HKDC1: variants seen among roughly 807,000 people sequenced by gnomAD.
HKDC1 encodes the protein hexokinase HKDC1.
A neutral mutation model predicts 96.6 loss-of-function variants in HKDC1; 66 were observed. That is an observed-to-expected ratio of 0.68 (90% CI 0.56 to 0.84). The LOEUF is 0.84. Among genes scored for constraint, HKDC1 ranks in the 40% least tolerant of loss-of-function variants. The probability of loss-of-function intolerance (pLI) is 0.00; values close to 1 mark genes in which losing one functional copy is unlikely to be tolerated. For synonymous variants in HKDC1, 466 were observed against 473.1 expected, an observed-to-expected ratio of 0.98 and a Z score of 0.20; for missense variants, 1,211 against 1,208.1, an observed-to-expected ratio of 1.00 and a Z score of -0.04.
Position 69,248,554 on chromosome 10 carries a change from C to A in HKDC1, c.1396C>A (p.Gln466Lys). The change falls in exon 10 of 18, where the codon CAG becomes AAG. Residue 466 changes from glutamine to lysine, a missense_variant. Coordinates refer to ENST00000354624, the MANE Select transcript of HKDC1 (RefSeq NM_025130.4). ...VTAVASRVQA[Q>K]RKQIDRVLAL... is the part of the protein sequence containing the mutation. The stretch of plus-strand genomic sequence containing the variant: ...CGCGGTGGCCTCCCGCGTGCAGGCC[C>A]AGCGGAAGCAGATCGACAGGGTGCT... 1 of 1,614,076 alleles carries A rather than the reference C, an allele frequency of 6.2e-7. No homozygotes were observed. Among genetic ancestry groups the A allele is most frequent in the Non-Finnish European group, 8.5e-7 (1 of 1,180,030 alleles).
chr10:69,230,141 G>A (rs1305909037), intron 2 of HKDC1, among the ~76,000 whole-genome samples: 1 of 152,164 alleles, frequency 6.6e-6, no homozygotes, highest in Non-Finnish European at 1.5e-5. Flanking sequence ...TTGGTCAGGG[G>A]GCTGCAGTGG....
intron 16 of HKDC1, 39 bp downstream of exon 16, chr10:69,261,333 C>T (rs751323296): frequency 1.9e-6 from 3 of 1,593,708 alleles, no homozygotes; most frequent in Admixed American, 3.3e-5. Context: ...CTCTGACTGG[C>T]ATATGCTGCC....
At chr10:69,227,152 G>T in intron 1 of HKDC1, 55 bp from the exon 2 acceptor site, 3 of 1,599,240 alleles carry the variant, frequency 1.9e-6, no homozygotes, top group Admixed American at 1.7e-5. Context: ...TTACAGCCTC[G>T]ACTGGAGGGT....
chr10:69,231,961 A>G (rs1345255361), intron 2 of HKDC1, among the ~76,000 whole-genome samples: 1 of 152,220 alleles, frequency 6.6e-6, no homozygotes, highest in Non-Finnish European at 1.5e-5. Flanking sequence ...CCGGATGTCT[A>G]CACAAAAACA....
intron 14 of HKDC1, among the ~76,000 whole-genome samples, chr10:69,257,690 G>A (rs113388351): frequency 9.8e-4 from 149 of 152,168 alleles, no homozygotes; most frequent in African/African-American, 3.4e-3. Flanking sequence ...TGTCATGGGG[G>A]GGGGAAGGAG....
intron 2 of HKDC1, 74 bp downstream of exon 2, chr10:69,227,443 C>T (rs2132332713): frequency 3.3e-6 from 5 of 1,537,810 alleles, no homozygotes; most frequent in Non-Finnish European, 4.4e-6. Flanking sequence ...CTAAGGTTTG[C>T]CCCTGTACCT....
At chr10:69,249,095 C>G (rs141458110) in intron 10 of HKDC1, 6 of 187,226 alleles carry the variant, frequency 3.2e-5, no homozygotes, top group African/African-American at 1.4e-4. Flanking sequence ...TTCTCTGGCT[C>G]TGTTCTCTTC....
chr10:69,247,307 G>A (rs1843556654), intron 8 of HKDC1, 53 bp from the exon 9 acceptor site: 1 of 1,207,790 alleles, frequency 8.3e-7, no homozygotes, highest in East Asian at 2.3e-5. Context: ...TCCCCCAGGA[G>A]GATACCAGTG....
At chr10:69,249,748 C>T (rs1208580299) in intron 10 of HKDC1, among the ~76,000 whole-genome samples, 1 of 151,974 alleles carries the variant, frequency 6.6e-6, no homozygotes, top group East Asian at 1.9e-4. Context: ...ATCCACCTGC[C>T]TCGGCCTCCC....
chr10:69,227,406 C>T, intron 2 of HKDC1, 37 bp downstream of exon 2: 1 of 1,612,676 alleles, frequency 6.2e-7, no homozygotes, highest in Non-Finnish European at 8.5e-7. Context: ...TCCCTGGCTC[C>T]TCTTGGCTGA....
chr10:69,243,205 A>G lies in HKDC1; in HGVS notation c.715A>G (p.Met239Val). ...IIGTGTNACY[M>V]EDMSNIDLVE... ...AGGAACTGGCACCAATGCGTGTTAC[A>G]TGGAGGACATGAGCAACATTGACCT... Residue 239 changes from methionine (M) to valine (V), a missense_variant, in exon 7 of 18, where the codon ATG (methionine) becomes GTG (valine). Physicochemically the swap from Met to Val is conservative, Grantham distance 21 (BLOSUM62 1). Coordinates refer to ENST00000354624, the MANE Select transcript of HKDC1 (RefSeq NM_025130.4). 1 of 1,614,222 alleles carries G rather than the reference A, an allele frequency of 6.2e-7. No homozygotes were observed. Among genetic ancestry groups the G allele is most frequent in the Non-Finnish European group, 8.5e-7 (1 of 1,180,038 alleles).
chr10:69,256,971 T>G, intron 12 of HKDC1, 65 bp from the exon 13 acceptor site: 2 of 1,182,088 alleles, frequency 1.7e-6, no homozygotes, highest in Non-Finnish European at 2.5e-6. Context: ...ATCTGTTGGA[T>G]GTTGAGGTTG....
At chr10:69,232,658 T>A in intron 2 of HKDC1, 106 bp from the exon 3 acceptor site, 1 of 1,032,566 alleles carries the variant, frequency 9.7e-7, no homozygotes, top group African/African-American at 1.6e-5. Flanking sequence ...TGATACCTAG[T>A]GGCTGTGATT....
intron 4 of HKDC1, 29 bp downstream of exon 4, chr10:69,233,162 G>A (rs1472585101): frequency 3.1e-6 from 5 of 1,612,264 alleles, no homozygotes; most frequent in Admixed American, 1.7e-5. Context: ...CAGCAGTGCA[G>A]GAATTGGGGC....
intron 9 of HKDC1, among the ~76,000 whole-genome samples, chr10:69,248,181 A>G (rs1843572816): frequency 6.6e-6 from 1 of 150,894 alleles, no homozygotes; most frequent in Non-Finnish European, 1.5e-5. Context: ...TACATTATGC[A>G]CAGACTGGTT....
intron 14 of HKDC1, 146 bp downstream of exon 14, chr10:69,257,572 A>G: frequency 1.4e-6 from 1 of 693,002 alleles, no homozygotes; most frequent in Middle Eastern, 3.9e-4. Context: ...ATTCCAGGTC[A>G]CCAAGTTCTT....
rs1843888730 is a variant in HKDC1, at chr10:69,265,801, G to A, written c.2589G>A (p.Leu863=). ...LRITVGVDGT[L]YKLHPHFSRI... ...TCACTGTGGGTGTGGACGGCACCCT[G>A]TACAAGCTGCACCCTCAGTGAGTGC... is the stretch of plus-strand genomic sequence containing the variant. The change falls in exon 17 of 18, where the codon CTG becomes CTA. Residue 863 remains leucine (L), a synonymous_variant. Transcript: ENST00000354624. 6 of 1,604,436 alleles carry A rather than the reference G, an allele frequency of 3.7e-6. No individual in the cohort carries two copies. The East Asian group carries it at 1.3e-4, about 36-fold the overall frequency.
intron 2 of HKDC1, among the ~76,000 whole-genome samples, chr10:69,229,782 A>G (rs11813186): frequency 0.17 from 25,454 of 152,118 alleles, 2,867 homozygotes; most frequent in Non-Finnish European, 0.24. Context: ...CACACAAAGC[A>G]TCTCACCAGT....
At chr10:69,224,498 G>A (rs1843117333) in intron 1 of HKDC1, among the ~76,000 whole-genome samples, 1 of 152,068 alleles carries the variant, frequency 6.6e-6, no homozygotes, top group South Asian at 2.1e-4. Context: ...TGGCCAGGCT[G>A]GTCTCGAACT....
Sources: gnomAD v4.1 joint callset for allele counts (sites outside exome capture counted in the v4.1 genomes callset) on GRCh38, gnomAD v4.1.1 for gene constraint, MANE v1.5 for transcripts, NCBI Gene and HGNC (gene_info 2026-07-23, HGNC 2026-07-21) for gene names.